The following BAIAP2L1 variants were observed in gnomAD, a reference collection of about 807,000 sequenced individuals.
BAIAP2L1 encodes BAR/IMD domain-containing adapter protein 2-like 1.
Under a neutral mutation model 66.3 loss-of-function variants are expected in BAIAP2L1, and 35 were observed. That is an observed-to-expected ratio of 0.53 (90% confidence interval 0.40 to 0.70). The LOEUF (loss-of-function observed/expected upper bound fraction) is 0.70. Ranked by LOEUF, BAIAP2L1 falls within the 30% of genes least tolerant of loss-of-function variation. BAIAP2L1 has a pLI of 0.00. For missense variants in BAIAP2L1, 622 were observed against 656.9 expected, an observed-to-expected ratio of 0.95 and a Z score of 0.58; for synonymous variants, 269 against 248.7, an observed-to-expected ratio of 1.08 and a Z score of -0.77.
intron 1 of BAIAP2L1, among the ~76,000 whole-genome samples, chr7:98,377,893 C>T (rs143553440): frequency 0.022 from 3,268 of 148,196 alleles, 124 homozygotes; most frequent in African/African-American, 0.077. Flanking sequence ...TTTGGGAGGC[C>T]GAGACGGGCG....
Position 98,313,796 on chromosome 7 carries a change from T to A in BAIAP2L1, c.640-1532A>T, listed in dbSNP as rs577022436. On this transcript the variant is annotated intron_variant, in intron 7 of 13. Transcript: ENST00000005260. Reference sequence around the variant, plus strand: ...ACCACAACTGGCTAATTAAAACTTTTTTTTTTTTTTTTTGGTAGAGATAGG... The same window carrying A: ...ACCACAACTGGCTAATTAAAACTTTATTTTTTTTTTTTTGGTAGAGATAGG... 5.3e-5 allele frequency among the ~76,000 whole-genome samples: 8 copies of A among 149,952 alleles called. No individual in the cohort carries two copies. The East Asian group carries it at 1.6e-3, about 30-fold the overall frequency.
At chr7:98,375,742 C>CAAAAAAAAAAAAAAA (rs372282399) in intron 1 of BAIAP2L1, among the ~76,000 whole-genome samples, 2 of 59,086 alleles carry the variant, frequency 3.4e-5, no homozygotes, top group Non-Finnish European at 6.4e-5. Context: ...AAGTCCATCT[C>CAAAAAAAAAAAAAAA]AAAAAAAAAA....
chr7:98,317,385 A>G, intron 5 of BAIAP2L1, 29 bp from the exon 6 acceptor site: 1 of 1,610,224 alleles, frequency 6.2e-7, no homozygotes, highest in African/African-American at 1.3e-5. Flanking sequence ...TGCTTATTTT[A>G]CTGTGGCACC....
chr7:98,390,222 A>C (rs989206825), intron 1 of BAIAP2L1, among the ~76,000 whole-genome samples: 1 of 151,800 alleles, frequency 6.6e-6, no homozygotes, highest in Non-Finnish European at 1.5e-5. Context: ...GTCTCGGGTT[A>C]GTAAATGTTA....
chr7:98,360,849 G>A (rs2115720890), intron 2 of BAIAP2L1, among the ~76,000 whole-genome samples: 1 of 152,256 alleles, frequency 6.6e-6, no homozygotes, highest in South Asian at 2.1e-4. Flanking sequence ...CAGACCTGCT[G>A]CATTTCCTGC....
intron 3 of BAIAP2L1, among the ~76,000 whole-genome samples, chr7:98,352,425 C>T (rs1014492769): frequency 1.6e-4 from 25 of 152,038 alleles, no homozygotes; most frequent in Admixed American, 7.9e-4. Flanking sequence ...GTGGGTCACC[C>T]GAGGTCAGGA....
rs1562967561 is a variant in BAIAP2L1, at chr7:98,307,869, CG to C, written c.982del (p.Arg328AspfsTer9). ...TGTSEDPSLQ[R>X]SVSVATGLNM... ...CAGTCCCGTTGCAACCGAAACTGAT[CG>C]CTGTAAACTGGGATCTTCGGAAGTA... is the stretch of plus-strand genomic sequence containing the variant. On this transcript the variant is annotated frameshift_variant, in exon 10 of 14. Coordinates refer to ENST00000005260, the MANE Select transcript of BAIAP2L1 (RefSeq NM_018842.5). LOFTEE classifies it high-confidence loss of function. 1 of 1,614,220 alleles carries C rather than the reference CG, an allele frequency of 6.2e-7. No homozygotes were observed. The highest frequency in any genetic ancestry group is 8.5e-7 in the Non-Finnish European group (1 of 1,180,042).
chr7:98,329,723 A>AAC (rs386410794), intron 3 of BAIAP2L1, among the ~76,000 whole-genome samples: 3 of 151,472 alleles, frequency 2.0e-5, no homozygotes, highest in Admixed American at 6.6e-5. Context: ...TAAAAAAAAA[A>AAC]AGACTCAGAA....
chr7:98,294,070 C>T lies in BAIAP2L1; in HGVS notation c.1460+4G>A. The T allele has an allele frequency of 1.2e-6, 2 of 1,614,088 alleles. No individual in the cohort carries two copies. Among genetic ancestry groups the T allele is most frequent in the Middle Eastern group, 1.7e-4 (1 of 6,060 alleles). On this transcript the variant is annotated splice_donor_region_variant and intron_variant, in intron 13 of 13. Transcript: ENST00000005260. ...CTGAGGCTCACGTAGGAAGCCACGC[C>T]TACCTGAGAAAAGGCGGCTTTGCAG...
At chr7:98,333,317 G>C (rs1234750270) in intron 3 of BAIAP2L1, among the ~76,000 whole-genome samples, 1 of 151,710 alleles carries the variant, frequency 6.6e-6, no homozygotes, top group Admixed American at 6.6e-5. Context: ...AGCACACTGG[G>C]CCAGGTGCGG....
chr7:98,307,552 T>C lies in BAIAP2L1; in HGVS notation c.1163+137A>G. On this transcript the variant is annotated intron_variant, in intron 10 of 13. Transcript: ENST00000005260. ...TAGCCTGGGATCGAATAACTTCAGT[T>C]AACTAAACTAGAACTAAACCATAAA... 2.0e-6 allele frequency: 3 copies of C among 1,466,382 alleles called. No individual in the cohort carries two copies. In the East Asian group the frequency reaches 7.4e-5, roughly 36 times the overall value. The allele number at this position is 1,466,382 out of a possible 1,614,324, so 90.8% of individuals were successfully genotyped here.
intron 3 of BAIAP2L1, among the ~76,000 whole-genome samples, chr7:98,333,775 CAAG>C (rs1467810603): frequency 1.5e-5 from 2 of 130,506 alleles, no homozygotes; most frequent in East Asian, 2.5e-4. Context: ...CCCCACGAAC[CAAG>C]AAGAAACAAA....
chr7:98,318,760 T>C (rs960920140), intron 5 of BAIAP2L1, among the ~76,000 whole-genome samples: 48 of 150,994 alleles, frequency 3.2e-4, no homozygotes, highest in African/African-American at 1.1e-3. Context: ...CTGGCTAAAA[T>C]GGTGAAACCC....
At chr7:98,393,367 A>C (rs996629648) in intron 1 of BAIAP2L1, among the ~76,000 whole-genome samples, 18 of 151,622 alleles carry the variant, frequency 1.2e-4, no homozygotes, top group Non-Finnish European at 2.2e-4. Flanking sequence ...TACATAAGGG[A>C]TGTTGAAAGC....
chr7:98,389,947 G>A (rs985539771), intron 1 of BAIAP2L1, among the ~76,000 whole-genome samples: 26 of 138,192 alleles, frequency 1.9e-4, no homozygotes, highest in Admixed American at 2.3e-4. Flanking sequence ...AGGTAGTCTC[G>A]CACTGTCGCC....
rs371322722 is a variant in BAIAP2L1, at chr7:98,293,584, G to A, written c.1473C>T (p.Pro491=). The A allele has an allele frequency of 6.2e-7, 1 of 1,613,858 alleles. No individual in the cohort carries two copies. The highest frequency in any genetic ancestry group is 1.7e-5 in the Admixed American group (1 of 60,030). The change falls in exon 14 of 14, where the codon CCC becomes CCT. Residue 491 remains proline, a synonymous_variant. Coordinates refer to ENST00000005260, the MANE Select transcript of BAIAP2L1 (RefSeq NM_018842.5). The part of the protein sequence containing the change: ...AKPPFLSGEN[P]FATVKLRPTV... ...TCGGGCGGAGTTTCACAGTGGCAAA[G>A]GGGTTTTCTCCGCTGCAGGGGATAA...
chr7:98,351,358 G>A (rs914613599), intron 3 of BAIAP2L1, among the ~76,000 whole-genome samples: 12 of 152,196 alleles, frequency 7.9e-5, no homozygotes, highest in Non-Finnish European at 1.6e-4. Context: ...AGATGCCGAC[G>A]TGGGGGCTGT....
At chr7:98,334,876 G>A (rs1427061812) in intron 3 of BAIAP2L1, among the ~76,000 whole-genome samples, 7 of 148,668 alleles carry the variant, frequency 4.7e-5, no homozygotes, top group East Asian at 2.1e-4. Flanking sequence ...CTGGCTGGGC[G>A]TGGTGGCTCA....
intron 1 of BAIAP2L1, among the ~76,000 whole-genome samples, chr7:98,388,597 A>G (rs1003784866): frequency 6.6e-6 from 1 of 152,242 alleles, no homozygotes; most frequent in Non-Finnish European, 1.5e-5. Flanking sequence ...ACTGTCAGAC[A>G]TAACTGATGT....
Sources: allele counts gnomAD v4.1 joint callset (sites outside exome capture counted in the v4.1 genomes callset), GRCh38; gene constraint gnomAD v4.1.1; transcripts MANE v1.5; gene names NCBI Gene and HGNC (gene_info 2026-07-23, HGNC 2026-07-21).